ATE1: variants seen among roughly 807,000 people sequenced by gnomAD.
ATE1 encodes arginyl-tRNA--protein transferase 1.
A neutral mutation model predicts 70.5 loss-of-function variants in ATE1; 36 were observed. That is an observed-to-expected ratio of 0.51 (90% CI 0.39 to 0.67). The LOEUF (loss-of-function observed/expected upper bound fraction) is 0.67, where lower values mean the gene tolerates loss of function less well. Among genes scored for constraint, ATE1 ranks in the 30% least tolerant of loss-of-function variants. The pLI, the probability that ATE1 is intolerant of heterozygous loss-of-function variation, is 0.00. For synonymous variants in ATE1, 232 were observed against 219.3 expected (o/e 1.06, Z -0.51); for missense variants, 593 against 629.5 (o/e 0.94, Z 0.62).
At chr10:121,781,806 A>G (rs1222053836) in intron 11 of ATE1, among the ~76,000 whole-genome samples, 1 of 152,210 alleles carries the variant, frequency 6.6e-6, no homozygotes, top group Non-Finnish European at 1.5e-5. Flanking sequence ...GACAGATTTT[A>G]TATTATCAGT....
rs1355410041 is a variant in ATE1 at position 121,927,921 on chromosome 10, C to G, written c.29G>C (p.Ser10Thr). MAFWAGGSP[S>T]VVDYFPSEDF... ...CTCGCTAGGGAAATAGTCCACGACG[C>G]TGGGCGAACCCCCCGCCCAGAAAGC... Residue 10 changes from serine to threonine, a missense_variant, in exon 1 of 12, where the codon AGC (serine) becomes ACC (threonine). Coordinates refer to ENST00000224652, the MANE Select transcript of ATE1 (RefSeq NM_001001976.3). 3 of 1,581,802 alleles carry G rather than the reference C, an allele frequency of 1.9e-6. No individual in the cohort carries two copies. Among genetic ancestry groups the G allele is most frequent in the African/African-American group, 2.8e-5 (2 of 71,544 alleles).
At chr10:121,813,598 A>C (rs888279110) in intron 10 of ATE1, among the ~76,000 whole-genome samples, 2 of 152,246 alleles carry the variant, frequency 1.3e-5, no homozygotes, top group Admixed American at 1.3e-4. Flanking sequence ...GGACAGAAAT[A>C]TTAGTCATGT....
Position 121,911,473 on chromosome 10 carries a change from C to T in ATE1, c.338-322G>A, listed in dbSNP as rs189001522. Among the ~76,000 whole-genome samples the T allele has an allele frequency of 6.0e-5, 9 of 150,728 alleles. No individual in the cohort carries two copies. The East Asian group carries it at 1.6e-3, about 26-fold the overall frequency. On this transcript the variant is annotated intron_variant, in intron 4 of 11. Coordinates refer to ENST00000224652, the MANE Select transcript of ATE1 (RefSeq NM_001001976.3). ...AAAAAAAAAAAAACAAAAACTGTGGCGCCCTAGCAGGGCAATGTACTGCCA... is the reference window on the plus strand; with the variant it reads ...AAAAAAAAAAAAACAAAAACTGTGGTGCCCTAGCAGGGCAATGTACTGCCA...
intron 11 of ATE1, among the ~76,000 whole-genome samples, chr10:121,776,703 GCA>G (rs1413192217): frequency 1.3e-5 from 2 of 152,258 alleles, no homozygotes; most frequent in Non-Finnish European, 2.9e-5. Context: ...GTACTATTTA[GCA>G]CATTTTTGTT....
At chr10:121,796,438 C>A (rs187127950) in intron 10 of ATE1, among the ~76,000 whole-genome samples, 1 of 152,074 alleles carries the variant, frequency 6.6e-6, no homozygotes, top group Non-Finnish European at 1.5e-5. Flanking sequence ...CTTCACCAAA[C>A]GATTTTAACT....
At chr10:121,845,265 T>C (rs1430550987) in intron 8 of ATE1, among the ~76,000 whole-genome samples, 1 of 152,186 alleles carries the variant, frequency 6.6e-6, no homozygotes, top group Non-Finnish European at 1.5e-5. Flanking sequence ...GTTTGTGGGC[T>C]ATTAGGGGAA....
intron 11 of ATE1, among the ~76,000 whole-genome samples, chr10:121,770,265 C>CACACACAG (rs1293251308): frequency 6.7e-6 from 1 of 149,862 alleles, no homozygotes; most frequent in Non-Finnish European, 1.5e-5. Flanking sequence ...CACACACACA[C>CACACACAG]ACACACACAG....
In ATE1 at chr10:121,911,028, T is replaced by G. The variant is rs1259228470; in HGVS notation, c.461A>C (p.Glu154Ala). ...TTCTTCTTTCTTTGAATTTTTTCCTTCACTCTCTAAACTCTCTTTGATGTC... is the reference window on the plus strand; with the variant it reads ...TTCTTCTTTCTTTGAATTTTTTCCTGCACTCTCTAAACTCTCTTTGATGTC... ...SDDIKESLES[E>A]GKNSKKEEPQ... The change falls in exon 5 of 12, where the codon GAA becomes GCA. Residue 154 changes from glutamate (E) to alanine (A), a missense_variant. Glu to Ala is a moderately radical substitution (Grantham distance 107). Transcript: ENST00000224652. 1 of 1,613,950 alleles carries G rather than the reference T, an allele frequency of 6.2e-7. No homozygotes were observed. Among genetic ancestry groups the G allele is most frequent in the Non-Finnish European group, 8.5e-7 (1 of 1,180,038 alleles).
intron 8 of ATE1, among the ~76,000 whole-genome samples, chr10:121,869,768 A>G (rs1949786389): frequency 6.6e-6 from 1 of 152,210 alleles, no homozygotes; most frequent in Non-Finnish European, 1.5e-5. Flanking sequence ...TCAGAAAGAA[A>G]ATATACTTAA....
At chr10:121,840,549 G>C (rs1029256636) in intron 9 of ATE1, among the ~76,000 whole-genome samples, 2 of 152,044 alleles carry the variant, frequency 1.3e-5, no homozygotes, top group Non-Finnish European at 2.9e-5. Flanking sequence ...AAGTAGTTCT[G>C]AAGGGGGCCT....
Position 121,892,982 on chromosome 10 carries a change from TAAAA to T in ATE1, c.942+6880_942+6883del, listed in dbSNP as rs955931988. ...CTGTCCTTTCTTCTCTTCACTGACT[TAAAA>T]AGCAATTGTAGGCCGGGCACGGTGG... On this transcript the variant is annotated intron_variant, in intron 7 of 11. Coordinates refer to ENST00000224652, the MANE Select transcript of ATE1 (RefSeq NM_001001976.3). 9.2e-5 allele frequency among the ~76,000 whole-genome samples: 14 copies of T among 152,254 alleles called. No individual in the cohort carries two copies. The South Asian group carries it at 1.7e-3, about 18-fold the overall frequency.
intron 8 of ATE1, among the ~76,000 whole-genome samples, chr10:121,862,026 A>G (rs963277762): frequency 1.3e-5 from 2 of 152,116 alleles, no homozygotes; most frequent in Non-Finnish European, 2.9e-5. Context: ...CTTTAAACAC[A>G]GCTGAGCCTC....
intron 7 of ATE1, among the ~76,000 whole-genome samples, chr10:121,879,283 T>C (rs1246521253): frequency 6.6e-6 from 1 of 152,206 alleles, no homozygotes. Context: ...TGCATGCTCT[T>C]TATAGAGGTG....
At chr10:121,763,215 T>C (rs888338191) in intron 11 of ATE1, among the ~76,000 whole-genome samples, 3 of 152,214 alleles carry the variant, frequency 2.0e-5, no homozygotes. Flanking sequence ...TTATCAGTAA[T>C]GTAGTATGCA....
intron 7 of ATE1, among the ~76,000 whole-genome samples, chr10:121,881,995 C>T (rs1374639281): frequency 6.6e-6 from 1 of 152,034 alleles, no homozygotes; most frequent in Non-Finnish European, 1.5e-5. Context: ...GGGGTTTTGC[C>T]ATGTTGCCCA....
rs369301610 is a variant in ATE1, at chr10:121,927,976, G to C, written c.-27C>G. 1.1e-5 allele frequency: 17 copies of C among 1,480,096 alleles called. No homozygotes were observed. The South Asian group carries it at 2.2e-4, about 19-fold the overall frequency. The allele number at this position is 1,480,096 out of a possible 1,614,324, so 91.7% of individuals were successfully genotyped here. A position where few individuals can be genotyped will look rare whatever the true frequency, so the allele number is the denominator to read the frequency against. ...GCCTCGGCCCCGCGAACGCTCAGCC[G>C]CCCGGCCCCGCGTCGCTAGCGCGGC... On this transcript the variant is annotated 5_prime_UTR_variant, in exon 1 of 12. Transcript: ENST00000224652.
chr10:121,871,827 A>C (rs1164675484), intron 7 of ATE1, among the ~76,000 whole-genome samples: 1 of 152,244 alleles, frequency 6.6e-6, no homozygotes, highest in Non-Finnish European at 1.5e-5. Context: ...TTAACTCTTA[A>C]GATAACTTTC....
At chr10:121,746,095 G>A (rs547832856) in intron 11 of ATE1, among the ~76,000 whole-genome samples, 6 of 152,226 alleles carry the variant, frequency 3.9e-5, no homozygotes, top group African/African-American at 9.6e-5. Flanking sequence ...GTACCTGACA[G>A]CTCACCCTCT....
At chr10:121,928,084 G>T, upstream of ATE1, 4 of 1,206,064 alleles carry the variant, frequency 3.3e-6, no homozygotes, top group Non-Finnish European at 4.1e-6. Flanking sequence ...CCGCAGGCCC[G>T]GCCGGCCCGG....
Sources: gnomAD v4.1 joint callset for allele counts (sites outside exome capture counted in the v4.1 genomes callset) on GRCh38, gnomAD v4.1.1 for gene constraint, MANE v1.5 for transcripts, NCBI Gene and HGNC (gene_info 2026-07-23, HGNC 2026-07-21) for gene names.